Variants in AGBL4 observed in about 807,000 individuals in gnomAD.
AGBL4 encodes the protein cytosolic carboxypeptidase 6.
AGBL4 carries 58 observed loss-of-function variants against 66.4 expected under a neutral mutation model. The ratio of observed to expected loss-of-function variants is 0.87; its 90% CI spans 0.71 to 1.09. AGBL4 has a LOEUF of 1.09. Among genes scored for constraint, AGBL4 ranks in the 50% least tolerant of loss-of-function variants. The pLI is 0.00. For missense variants in AGBL4, 579 were observed against 631.0 expected, an observed-to-expected ratio of 0.92 and a Z score of 0.88; for synonymous variants, 234 against 222.9, an observed-to-expected ratio of 1.05 and a Z score of -0.44.
At chr1:48,625,306 T>C (rs977045797) in intron 9 of AGBL4, among the ~76,000 whole-genome samples, 1 of 152,156 alleles carries the variant, frequency 6.6e-6, no homozygotes, top group East Asian at 1.9e-4. Context: ...GCTGGAATTA[T>C]AGTCATGCAT....
chr1:48,820,045 C>T (rs920729101), intron 6 of AGBL4, among the ~76,000 whole-genome samples: 3 of 152,192 alleles, frequency 2.0e-5, no homozygotes, highest in Non-Finnish European at 4.4e-5. Flanking sequence ...TTCAACCTTC[C>T]TAACTTCCAT....
At chr1:48,925,916 C>A (rs1365055535) in intron 5 of AGBL4, among the ~76,000 whole-genome samples, 2 of 152,136 alleles carry the variant, frequency 1.3e-5, no homozygotes, top group Non-Finnish European at 2.9e-5. Context: ...CCACTCTCCC[C>A]CTACAACCCT....
At chr1:48,664,455 G>GA (rs1646155433) in intron 6 of AGBL4, among the ~76,000 whole-genome samples, 1 of 152,106 alleles carries the variant, frequency 6.6e-6, no homozygotes, top group Admixed American at 6.5e-5. Flanking sequence ...TAGTGGTAGG[G>GA]AAAAACTACT....
chr1:49,542,054 T>C (rs1000229269), intron 3 of AGBL4, among the ~76,000 whole-genome samples: 6 of 152,114 alleles, frequency 3.9e-5, no homozygotes, highest in Non-Finnish European at 8.8e-5. Context: ...CAGTGCTCTG[T>C]GGGGACTTGG....
intron 3 of AGBL4, among the ~76,000 whole-genome samples, chr1:49,630,518 C>A (rs1230794511): frequency 6.6e-6 from 1 of 152,096 alleles, no homozygotes. Flanking sequence ...TTAAGAGCTA[C>A]CCTAGCAGTA....
chr1:49,914,288 C>T (rs1042358744), intron 1 of AGBL4, among the ~76,000 whole-genome samples: 6 of 152,174 alleles, frequency 3.9e-5, no homozygotes, highest in Non-Finnish European at 8.8e-5. Flanking sequence ...TTAGATATTT[C>T]TTCCACCAGA....
At chr1:49,034,285 T>C (rs951462342) in intron 5 of AGBL4, among the ~76,000 whole-genome samples, 1 of 152,104 alleles carries the variant, frequency 6.6e-6, no homozygotes, top group Non-Finnish European at 1.5e-5. Context: ...TACTAAAAAT[T>C]TGAACTAAAA....
intron 3 of AGBL4, among the ~76,000 whole-genome samples, chr1:49,355,371 C>T (rs1254215047): frequency 6.6e-6 from 1 of 152,194 alleles, no homozygotes; most frequent in Non-Finnish European, 1.5e-5. Flanking sequence ...CTCTTTCCCT[C>T]ACTCATTAAA....
At chr1:48,888,419 C>A (rs1428427439) in intron 5 of AGBL4, among the ~76,000 whole-genome samples, 1 of 152,140 alleles carries the variant, frequency 6.6e-6, no homozygotes, top group Non-Finnish European at 1.5e-5. Context: ...TCACCCACTT[C>A]CTCTGCGCCA....
At chr1:49,357,182 G>C (rs1366734955) in intron 3 of AGBL4, among the ~76,000 whole-genome samples, 1 of 152,190 alleles carries the variant, frequency 6.6e-6, no homozygotes, top group African/African-American at 2.4e-5. Flanking sequence ...TATCTGTCAG[G>C]CTGTTTCCCT....
intron 8 of AGBL4, among the ~76,000 whole-genome samples, chr1:48,647,168 A>T (rs1245265949): frequency 1.3e-5 from 2 of 152,200 alleles, no homozygotes; most frequent in African/African-American, 4.8e-5. Context: ...ATTGTACAGC[A>T]TCCATTTCCA....
chr1:49,995,191 A>G (rs1430738561), intron 1 of AGBL4: 3 of 456,162 alleles, frequency 6.6e-6, no homozygotes. Context: ...AAACTGGGGC[A>G]GGTGGGGAGG....
chr1:49,384,930 T>A (rs184746254), intron 3 of AGBL4, among the ~76,000 whole-genome samples: 1 of 152,326 alleles, frequency 6.6e-6, no homozygotes, highest in Admixed American at 6.5e-5. Context: ...GCATTATTCA[T>A]AATAGGCAAC....
At chr1:49,456,075 G>C (rs1388618774) in intron 3 of AGBL4, among the ~76,000 whole-genome samples, 1 of 151,726 alleles carries the variant, frequency 6.6e-6, no homozygotes, top group African/African-American at 2.4e-5. Flanking sequence ...ATCAATCAAA[G>C]TAAAGATAAA....
chr1:49,577,049 G>A (rs774370492), intron 3 of AGBL4, among the ~76,000 whole-genome samples: 13 of 152,208 alleles, frequency 8.5e-5, no homozygotes, highest in Non-Finnish European at 1.3e-4. Context: ...GTAGCCAATT[G>A]TTTGGAAGCA....
intron 5 of AGBL4, among the ~76,000 whole-genome samples, chr1:48,983,467 G>T (rs1013713814): frequency 2.0e-5 from 3 of 152,308 alleles, no homozygotes; most frequent in East Asian, 1.9e-4. Context: ...TCCCACAAGG[G>T]ACATCTGGAC....
At chr1:49,236,190 T>C (rs1336734151) in intron 4 of AGBL4, among the ~76,000 whole-genome samples, 1 of 152,016 alleles carries the variant, frequency 6.6e-6, no homozygotes, top group Non-Finnish European at 1.5e-5. Flanking sequence ...CCACCATGCC[T>C]GGCTAATTTT....
chr1:49,084,696 C>A (rs914059135), intron 4 of AGBL4, among the ~76,000 whole-genome samples: 13 of 152,150 alleles, frequency 8.5e-5, no homozygotes, highest in African/African-American at 3.1e-4. Flanking sequence ...GAGCAGAAAC[C>A]ATGTCTGGTA....
At chr1:48,542,966 T>A (rs1396945872) in intron 11 of AGBL4, among the ~76,000 whole-genome samples, 2 of 152,204 alleles carry the variant, frequency 1.3e-5, no homozygotes, top group Non-Finnish European at 2.9e-5. Context: ...ATTCTCACAA[T>A]AACCCAATGA....
Sources: allele counts gnomAD v4.1 joint callset (sites outside exome capture counted in the v4.1 genomes callset), GRCh38; gene constraint gnomAD v4.1.1; transcripts MANE v1.5; gene names NCBI Gene and HGNC (gene_info 2026-07-23, HGNC 2026-07-21).